Variants in NGEF observed in about 807,000 individuals in gnomAD.
NGEF encodes ephexin-1.
Under a neutral mutation model 80.9 loss-of-function variants are expected in NGEF, and 31 were observed. That is an observed-to-expected ratio of 0.38 (90% CI 0.29 to 0.52). NGEF has a LOEUF of 0.52. Among genes scored for constraint, NGEF ranks in the 20% least tolerant of loss-of-function variants. The pLI, the probability that NGEF is intolerant of heterozygous loss-of-function variation, is 0.84. For missense variants in NGEF, 709 were observed against 926.2 expected, an observed-to-expected ratio of 0.77 and a Z score of 3.04; for synonymous variants, 371 against 370.2, an observed-to-expected ratio of 1.00 and a Z score of -0.03.
chr2:232,890,891 C>T (rs772292160), intron 8 of NGEF: 9 of 471,090 alleles, frequency 1.9e-5, no homozygotes, highest in South Asian at 6.2e-5. Flanking sequence ...CTCCCGTCCC[C>T]GTCATGTTCC....
chr2:232,922,926 C>T (rs1291057907), intron 4 of NGEF, among the ~76,000 whole-genome samples: 1 of 151,878 alleles, frequency 6.6e-6, no homozygotes, highest in Non-Finnish European at 1.5e-5. Context: ...AAAAATTAGC[C>T]GGGTGTGGTG....
chr2:232,882,885 G>A (rs1295923893), intron 12 of NGEF, among the ~76,000 whole-genome samples: 2 of 152,164 alleles, frequency 1.3e-5, no homozygotes, highest in Non-Finnish European at 2.9e-5. Flanking sequence ...TAGGGCTGCA[G>A]GGCAGGGGTC....
chr2:232,905,054 GCT>G (rs1692460140), intron 5 of NGEF, among the ~76,000 whole-genome samples: 1 of 151,692 alleles, frequency 6.6e-6, no homozygotes, highest in Non-Finnish European at 1.5e-5. Flanking sequence ...GAGGAAAACA[GCT>G]CTCTCCTCTC....
chr2:232,966,498 A>T (rs1027942340), intron 3 of NGEF, among the ~76,000 whole-genome samples: 1 of 152,060 alleles, frequency 6.6e-6, no homozygotes, highest in Non-Finnish European at 1.5e-5. Context: ...GGTGTGAACA[A>T]GGTGCCTGTT....
chr2:232,983,634 A>C (rs1460756464), intron 1 of NGEF, among the ~76,000 whole-genome samples: 1 of 152,110 alleles, frequency 6.6e-6, no homozygotes, highest in African/African-American at 2.4e-5. Flanking sequence ...GGAAGCAAGA[A>C]TGTGCGGGGG....
chr2:232,899,895 C>CTTAG (rs1459632107), intron 5 of NGEF, among the ~76,000 whole-genome samples: 2 of 146,986 alleles, frequency 1.4e-5, no homozygotes, highest in Middle Eastern at 3.6e-3. Context: ...CTCACATTCA[C>CTTAG]ACACATGCTC....
chr2:232,974,952 A>C lies in NGEF; in HGVS notation c.-62T>G, dbSNP rs1030306949. ...GAGGTCAATGACTTTCCCAAGCTTC[A>C]CTGGTTTGAGTGCTTTAGAATAGAT... On this transcript the variant is annotated 5_prime_UTR_variant, in exon 2 of 15. Transcript: ENST00000264051. 2.8e-5 allele frequency: 44 copies of C among 1,555,430 alleles called. No homozygotes were observed. Among genetic ancestry groups the C allele is most frequent in the Non-Finnish European group, 3.5e-5 (40 of 1,147,190 alleles).
intron 1 of NGEF, among the ~76,000 whole-genome samples, chr2:232,993,140 T>TATATATC (rs1694689492): frequency 2.5e-5 from 1 of 40,696 alleles, no homozygotes; most frequent in African/African-American, 1.0e-4. Flanking sequence ...TATTTATTTA[T>TATATATC]ATATATATGG....
At chr2:232,885,104 G>C in intron 10 of NGEF, 176 bp downstream of exon 10, 1 of 606,970 alleles carries the variant, frequency 1.6e-6, no homozygotes, top group Admixed American at 2.9e-5. Flanking sequence ...GGTGTCTGAC[G>C]CCTGGTGGCA....
intron 1 of NGEF, among the ~76,000 whole-genome samples, chr2:232,993,586 T>G (rs1256580864): frequency 2.0e-5 from 3 of 152,114 alleles, no homozygotes; most frequent in African/African-American, 7.2e-5. Context: ...CCAAGAGACA[T>G]GAAAACATAC....
At chr2:232,938,173 C>G (rs566125089) in intron 3 of NGEF, among the ~76,000 whole-genome samples, 1 of 152,234 alleles carries the variant, frequency 6.6e-6, no homozygotes, top group East Asian at 1.9e-4. Flanking sequence ...TTTTCTGAAT[C>G]AAAAATAGAT....
In NGEF at chr2:233,001,404, C is replaced by G. The variant is rs535844349; in HGVS notation, c.-75+11664G>C. On this transcript the variant is annotated intron_variant, in intron 1 of 14. Transcript: ENST00000264051. ...TCCTCATGTGAGCCTGTGAGTCTCC[C>G]CACGGGCCCATAGGTAGGGGGAGGT... Among the ~76,000 whole-genome samples the G allele has an allele frequency of 2.6e-5, 4 of 152,312 alleles. No individual in the cohort carries two copies. The South Asian group carries it at 8.3e-4, about 32-fold the overall frequency.
rs749889360 is a variant in NGEF, at chr2:232,891,468, G to A, written c.1162C>T (p.Arg388Trp). The change falls in exon 8 of 15, where the codon CGG becomes TGG. Residue 388 changes from arginine (R) to tryptophan (W), a missense_variant. Transcript: ENST00000264051. ...AGCTCTAGCTGCGCGATCAGCTCCC[G>A]GAAAGCTGCCTTCTCCTGGCTGGGG... Reference protein sequence around the residue: ...KQLLQEKAAFRELIAQLELDP... With the variant: ...KQLLQEKAAFWELIAQLELDP... 6 of 1,613,118 alleles carry A rather than the reference G, an allele frequency of 3.7e-6. No individual in the cohort carries two copies. Among genetic ancestry groups the A allele is most frequent in the Non-Finnish European group, 3.4e-6 (4 of 1,179,882 alleles).
At chr2:232,956,987 T>C (rs1693846242) in intron 3 of NGEF, among the ~76,000 whole-genome samples, 1 of 151,984 alleles carries the variant, frequency 6.6e-6, no homozygotes, top group Non-Finnish European at 1.5e-5. Flanking sequence ...GAAAAAAGAT[T>C]TGGCATTAAG....
chr2:232,966,901 G>T (rs1034562719), intron 3 of NGEF, among the ~76,000 whole-genome samples: 1 of 152,154 alleles, frequency 6.6e-6, no homozygotes, highest in East Asian at 1.9e-4. Context: ...CACTGTTTCT[G>T]TTGTGTCCCA....
rs1691910160 is a variant in NGEF at position 232,892,338 on chromosome 2, G to T, written c.1142+560C>A. 6.6e-6 allele frequency among the ~76,000 whole-genome samples: 1 copy of T among 152,152 alleles called. No individual in the cohort carries two copies. The highest frequency in any genetic ancestry group is 2.4e-5 in the African/African-American group (1 of 41,438). ...TGTGCGGAGCCAAGACGGCCTCCCT[G>T]GCTAACCCCAGGCACTGAAGTGCGA... On this transcript the variant is annotated intron_variant, in intron 7 of 14. Coordinates refer to ENST00000264051, the MANE Select transcript of NGEF (RefSeq NM_019850.3). This position sits in a 1 kb window ranked among gnomAD's most constrained non-coding sequence, Gnocchi z 4.0.
chr2:233,007,552 C>T (rs1695111785), intron 1 of NGEF, among the ~76,000 whole-genome samples: 1 of 152,188 alleles, frequency 6.6e-6, no homozygotes, highest in Admixed American at 6.5e-5. Flanking sequence ...TGGCAGGACC[C>T]TAGCACTGCT....
intron 6 of NGEF, 28 bp downstream of exon 6, chr2:232,894,728 G>A (rs1559196034): frequency 6.5e-7 from 1 of 1,533,526 alleles, no homozygotes; most frequent in South Asian, 1.2e-5. Flanking sequence ...AGGGCCCTGA[G>A]GGAGGTGGCT....
chr2:232,963,104 A>G (rs1043052955), intron 3 of NGEF, among the ~76,000 whole-genome samples: 1 of 152,020 alleles, frequency 6.6e-6, no homozygotes, highest in Non-Finnish European at 1.5e-5. Context: ...ACTATATTTA[A>G]TAAGAACAAA....
Sources: gnomAD v4.1 joint callset for allele counts (sites outside exome capture counted in the v4.1 genomes callset) on GRCh38, gnomAD v4.1.1 for gene constraint, Gnocchi (gnomAD v3.1) non-coding constraint, MANE v1.5 for transcripts, NCBI Gene and HGNC (gene_info 2026-07-23, HGNC 2026-07-21) for gene names.